NRG3: variants seen among roughly 807,000 people sequenced by gnomAD.
NRG3 encodes the protein pro-neuregulin-3, membrane-bound isoform.
In NRG3, 31 loss-of-function variants were observed where a neutral mutation model predicts 66.9. The ratio of observed to expected loss-of-function variants is 0.46; its 90% CI spans 0.35 to 0.63. The LOEUF (loss-of-function observed/expected upper bound fraction) is 0.63. Ranked by LOEUF, NRG3 falls within the 20% of genes least tolerant of loss-of-function variation. The probability of loss-of-function intolerance (pLI) is 0.00; values close to 1 mark genes in which losing one functional copy is unlikely to be tolerated. For synonymous variants in NRG3, 393 were observed against 359.4 expected, an observed-to-expected ratio of 1.09 and a Z score of -1.06; for missense variants, 910 against 878.9, an observed-to-expected ratio of 1.04 and a Z score of -0.45.
At chr10:82,245,216 G>A (rs764214248) in intron 1 of NRG3, among the ~76,000 whole-genome samples, 7 of 152,162 alleles carry the variant, frequency 4.6e-5, no homozygotes, top group Admixed American at 1.3e-4. Context: ...GATTCCCATA[G>A]GGAGAGCATA....
intron 1 of NRG3, among the ~76,000 whole-genome samples, chr10:82,076,547 G>C (rs1184867341): frequency 2.0e-5 from 3 of 152,216 alleles, no homozygotes; most frequent in African/African-American, 4.8e-5. Flanking sequence ...GGCCTAATGG[G>C]AGGTGTTTGT....
chr10:82,374,703 C>G lies in NRG3; in HGVS notation c.953+15835C>G, dbSNP rs567552885. Among the ~76,000 whole-genome samples, 324 of 152,238 alleles carry G rather than the reference C, an allele frequency of 2.1e-3. 2 individuals are homozygous for G. Among genetic ancestry groups the G allele is most frequent in the African/African-American group, 7.3e-3 (303 of 41,552 alleles). On this transcript the variant is annotated intron_variant, in intron 2 of 8. Coordinates refer to ENST00000372141, the MANE Select transcript of NRG3 (RefSeq NM_001010848.4). Reference sequence around the variant, plus strand: ...ACTGTGCTGTGGGTCCACAGCCGCACTTGAAGCAGTGAGGAACTAAGCCTT... The same window carrying G: ...ACTGTGCTGTGGGTCCACAGCCGCAGTTGAAGCAGTGAGGAACTAAGCCTT...
intron 2 of NRG3, among the ~76,000 whole-genome samples, chr10:82,421,954 C>G (rs578022719): frequency 6.6e-6 from 1 of 152,048 alleles, no homozygotes; most frequent in Non-Finnish European, 1.5e-5. Flanking sequence ...GAAAATAAAC[C>G]CATCAAGTAG....
intron 4 of NRG3, among the ~76,000 whole-genome samples, chr10:82,937,464 C>T (rs1190773979): frequency 2.0e-5 from 3 of 152,208 alleles, no homozygotes; most frequent in African/African-American, 4.8e-5. Context: ...CACTATTCAA[C>T]GTGGTAGCCA....
At chr10:82,305,998 G>A (rs1302900746) in intron 1 of NRG3, among the ~76,000 whole-genome samples, 2 of 152,120 alleles carry the variant, frequency 1.3e-5, no homozygotes, top group Non-Finnish European at 2.9e-5. Context: ...TATTTATCTG[G>A]GAAAAGCTAG....
chr10:82,863,544 C>T (rs562649981), intron 3 of NRG3, among the ~76,000 whole-genome samples: 1 of 152,224 alleles, frequency 6.6e-6, no homozygotes, highest in South Asian at 2.1e-4. Flanking sequence ...TTTTAATGAT[C>T]GCCATCCTAA....
At chr10:82,293,970 C>A (rs2079896580) in intron 1 of NRG3, among the ~76,000 whole-genome samples, 1 of 151,830 alleles carries the variant, frequency 6.6e-6, no homozygotes, top group South Asian at 2.1e-4. Flanking sequence ...TCTTGTTAGC[C>A]CTCTGATGAA....
At position 82,345,446 on chromosome 10, in the gene NRG3, A is replaced by T. The variant is rs1488925709; in HGVS notation, c.824-13293A>T. On this transcript the variant is annotated intron_variant, in intron 1 of 8. Transcript: ENST00000372141. ...ATATCTCTGTTTTGGTACCAGTACC[A>T]TGCTGTTTTGGTTACTATAGCCTTG... Among the ~76,000 whole-genome samples, 3 of 152,026 alleles carry T rather than the reference A, an allele frequency of 2.0e-5. No homozygotes were observed. In the South Asian group the frequency reaches 6.2e-4, roughly 32 times the overall value.
chr10:82,967,838 T>C (rs938981959), intron 6 of NRG3, among the ~76,000 whole-genome samples: 4 of 152,174 alleles, frequency 2.6e-5, no homozygotes, highest in African/African-American at 9.6e-5. Flanking sequence ...CCTGGTGTGG[T>C]TCCTGGAGGT....
At chr10:81,883,079 CT>C (rs1343768507) in intron 1 of NRG3, among the ~76,000 whole-genome samples, 1 of 152,160 alleles carries the variant, frequency 6.6e-6, no homozygotes, top group Non-Finnish European at 1.5e-5. Flanking sequence ...CATCCCTACA[CT>C]AATTGTCATT....
At chr10:82,562,573 T>C (rs973888198) in intron 2 of NRG3, among the ~76,000 whole-genome samples, 1 of 152,206 alleles carries the variant, frequency 6.6e-6, no homozygotes, top group African/African-American at 2.4e-5. Flanking sequence ...CATTTGCAGA[T>C]AGTCACTACT....
intron 4 of NRG3, among the ~76,000 whole-genome samples, chr10:82,871,519 T>A (rs1841338717): frequency 6.6e-6 from 1 of 152,156 alleles, no homozygotes; most frequent in African/African-American, 2.4e-5. Context: ...AGAGCTGACA[T>A]CTTGACAATA....
chr10:82,598,764 A>T (rs1174785500), intron 2 of NRG3, among the ~76,000 whole-genome samples: 3 of 152,114 alleles, frequency 2.0e-5, no homozygotes, highest in Non-Finnish European at 2.9e-5. Context: ...AAATGATGAG[A>T]AGAGGCCGGG....
chr10:82,189,562 C>T (rs185326262), intron 1 of NRG3, among the ~76,000 whole-genome samples: 4 of 151,912 alleles, frequency 2.6e-5, no homozygotes, highest in Non-Finnish European at 4.4e-5. Context: ...GAGGCCAATG[C>T]GGGCAGATCA....
chr10:82,784,671 G>T (rs368387473), intron 3 of NRG3, among the ~76,000 whole-genome samples: 1 of 151,966 alleles, frequency 6.6e-6, no homozygotes, highest in African/African-American at 2.4e-5. Context: ...TCTCACACCA[G>T]TTAGAATGGC....
intron 2 of NRG3, among the ~76,000 whole-genome samples, chr10:82,576,420 A>G (rs1462235927): frequency 6.6e-6 from 1 of 151,486 alleles, no homozygotes; most frequent in Non-Finnish European, 1.5e-5. Context: ...ATCTAATATA[A>G]TCTTTCCAAT....
chr10:82,494,427 T>C (rs1843431013), intron 2 of NRG3, among the ~76,000 whole-genome samples: 1 of 152,174 alleles, frequency 6.6e-6, no homozygotes, highest in Admixed American at 6.6e-5. Context: ...TGTGATGATA[T>C]GTAAATTCCT....
At chr10:82,145,776 G>T (rs1270190149) in intron 1 of NRG3, among the ~76,000 whole-genome samples, 1 of 152,100 alleles carries the variant, frequency 6.6e-6, no homozygotes, top group African/African-American at 2.4e-5. Flanking sequence ...AGATATCTAT[G>T]GCAAACTTGC....
intron 1 of NRG3, among the ~76,000 whole-genome samples, chr10:82,031,868 G>A (rs2062584670): frequency 6.6e-6 from 1 of 152,000 alleles, no homozygotes; most frequent in Non-Finnish European, 1.5e-5. Context: ...TTCTATGGAT[G>A]CAGCATTTAG....
Sources: gnomAD v4.1 joint callset for allele counts (sites outside exome capture counted in the v4.1 genomes callset) on GRCh38, gnomAD v4.1.1 for gene constraint, MANE v1.5 for transcripts, NCBI Gene and HGNC (gene_info 2026-07-23, HGNC 2026-07-21) for gene names.